TPCN1: variants seen among roughly 807,000 people sequenced by gnomAD.
The protein encoded by TPCN1 is two pore segment channel 1.
TPCN1 carries 52 observed loss-of-function variants against 108.8 expected under a neutral mutation model. That is an observed-to-expected ratio of 0.48 (90% confidence interval 0.38 to 0.60). The LOEUF is 0.60. Among genes scored for constraint, TPCN1 ranks in the 20% least tolerant of loss-of-function variants. The pLI is 0.00. For missense variants in TPCN1, 806 were observed against 1,072.8 expected, an observed-to-expected ratio of 0.75 and a Z score of 3.47; for synonymous variants, 446 against 433.7, an observed-to-expected ratio of 1.03 and a Z score of -0.35.
Position 113,288,942 on chromosome 12 carries a change from C to T in TPCN1, c.1796+95C>T, listed in dbSNP as rs1956181049. The T allele has an allele frequency of 4.7e-6, 6 of 1,264,844 alleles. No homozygotes were observed. Among genetic ancestry groups the T allele is most frequent in the South Asian group, 2.4e-5 (2 of 83,206 alleles). 78.4% of individuals were successfully genotyped at this position (1,264,844 alleles called of 1,614,324 possible). On this transcript the variant is annotated intron_variant, in intron 21 of 27. Coordinates refer to ENST00000335509, the MANE Select transcript of TPCN1 (RefSeq NM_017901.6). This position sits in a 1 kb window ranked among gnomAD's most constrained non-coding sequence, Gnocchi z 4.8. ...GGTGTCCTTGTGGCCTTGGGGTCCT[C>T]GGGGATGTTCCTGTCTAAGCAACCA... is the stretch of plus-strand genomic sequence containing the variant.
intron 19 of TPCN1, 61 bp downstream of exon 19, chr12:113,287,155 G>T (rs1465767607): frequency 7.1e-7 from 1 of 1,399,682 alleles, no homozygotes; most frequent in Middle Eastern, 1.8e-4. Flanking sequence ...AATGCCCCAG[G>T]ATTGATCCGG....
At chr12:113,259,300 C>T (rs530322971) in intron 2 of TPCN1, among the ~76,000 whole-genome samples, 2 of 152,160 alleles carry the variant, frequency 1.3e-5, no homozygotes, top group South Asian at 2.1e-4. Flanking sequence ...TCTTTATCTT[C>T]CTTCGGGTGG....
chr12:113,281,991 G>A (rs1955902177), intron 15 of TPCN1, among the ~76,000 whole-genome samples: 1 of 149,260 alleles, frequency 6.7e-6, no homozygotes, highest in African/African-American at 2.5e-5. Flanking sequence ...CATGATCTTG[G>A]CTCACTGCAA....
Position 113,272,477 on chromosome 12 carries a change from C to T in TPCN1, c.749-181C>T, listed in dbSNP as rs1341582110. 6.6e-6 allele frequency among the ~76,000 whole-genome samples: 1 copy of T among 152,216 alleles called. No individual in the cohort carries two copies. The highest frequency in any genetic ancestry group is 1.5e-5 in the Non-Finnish European group (1 of 68,038). ...GCTGTAGGGCAGCAAGCGTCTGGTG[C>T]CAGCAGCCCTGCTCCCTTCCAACAG... On this transcript the variant is annotated intron_variant, in intron 7 of 27. Coordinates refer to ENST00000335509, the MANE Select transcript of TPCN1 (RefSeq NM_017901.6). This position sits in a 1 kb window ranked among gnomAD's most constrained non-coding sequence, Gnocchi z 4.1.
In TPCN1 at chr12:113,282,753, C is replaced by G. The variant is rs1050012182; in HGVS notation, c.1343-1828C>G. 3.4e-5 allele frequency among the ~76,000 whole-genome samples: 5 copies of G among 148,206 alleles called. No individual in the cohort carries two copies. The Admixed American group carries it at 3.4e-4, about 10-fold the overall frequency. On this transcript the variant is annotated intron_variant, in intron 15 of 27. Coordinates refer to ENST00000335509, the MANE Select transcript of TPCN1 (RefSeq NM_017901.6). Reference sequence around the variant, plus strand: ...GCCTGGGCAACAGAGTGAGACCCCCCTATCTCAAGAAAAAAAAACCCAAAT... The same window carrying G: ...GCCTGGGCAACAGAGTGAGACCCCCGTATCTCAAGAAAAAAAAACCCAAAT...
Position 113,297,405 on chromosome 12 carries a change from C to T in TPCN1, c.*1329C>T, listed in dbSNP as rs1956463870. On this transcript the variant is annotated 3_prime_UTR_variant, in exon 28 of 28. Coordinates refer to ENST00000335509, the MANE Select transcript of TPCN1 (RefSeq NM_017901.6). The surrounding 1 kb of genome is among the most constrained non-coding windows in gnomAD (Gnocchi z 4.4). ...CTGGGCATTCCTGGCCAGCCCCGGC[C>T]CTCTGGTGCCTGCTTCCTGTGACTT... is the stretch of plus-strand genomic sequence containing the variant. The T allele has an allele frequency of 6.5e-6, 1 of 153,392 alleles. No individual in the cohort carries two copies. Among genetic ancestry groups the T allele is most frequent in the African/African-American group, 2.4e-5 (1 of 41,478 alleles). The allele number at this position is 153,392 out of a possible 1,614,324, so 9.5% of individuals were successfully genotyped here. A position where few individuals can be genotyped will look rare whatever the true frequency, so the allele number is the denominator to read the frequency against.
In TPCN1 at chr12:113,296,112, C is replaced by T. The variant is rs1191100972; in HGVS notation, c.*36C>T. On this transcript the variant is annotated 3_prime_UTR_variant, in exon 28 of 28. Transcript: ENST00000335509. ...GAAAGCCGTCTCTTCTATGCAATAA[C>T]ACAATAGTATTACTCTACTGCGATG... The T allele has an allele frequency of 1.2e-6, 2 of 1,607,546 alleles. No individual in the cohort carries two copies. Among genetic ancestry groups the T allele is most frequent in the Non-Finnish European group, 1.7e-6 (2 of 1,175,548 alleles).
intron 2 of TPCN1, among the ~76,000 whole-genome samples, chr12:113,229,871 A>G (rs1392070654): frequency 1.3e-5 from 2 of 152,006 alleles, no homozygotes; most frequent in East Asian, 1.9e-4. Flanking sequence ...CCATCCCTCT[A>G]TGGGGGTTGG....
chr12:113,229,510 A>G (rs556082643), intron 2 of TPCN1, among the ~76,000 whole-genome samples: 1 of 152,088 alleles, frequency 6.6e-6, no homozygotes, highest in Non-Finnish European at 1.5e-5. Context: ...CTTTTTTTTG[A>G]GACAGTCTCG....
At chr12:113,265,329 CT>C (rs1955214185) in intron 3 of TPCN1, among the ~76,000 whole-genome samples, 1 of 152,172 alleles carries the variant, frequency 6.6e-6, no homozygotes, top group Non-Finnish European at 1.5e-5. Context: ...ATGTTAGTTC[CT>C]TTATCGTTGA....
At chr12:113,295,706 C>G (rs1338036048) in intron 27 of TPCN1, among the ~76,000 whole-genome samples, 1 of 152,138 alleles carries the variant, frequency 6.6e-6, no homozygotes, top group Non-Finnish European at 1.5e-5. Context: ...TTGTTCCTGC[C>G]TGGGCCTGTT....
intron 2 of TPCN1, among the ~76,000 whole-genome samples, chr12:113,259,417 G>C (rs1321134711): frequency 1.3e-5 from 2 of 152,142 alleles, no homozygotes; most frequent in Non-Finnish European, 2.9e-5. Context: ...CTGAATTTCA[G>C]GATTATTGTG....
chr12:113,222,607 A>G (rs1258616426), intron 1 of TPCN1, among the ~76,000 whole-genome samples: 1 of 152,250 alleles, frequency 6.6e-6, no homozygotes, highest in Non-Finnish European at 1.5e-5. Flanking sequence ...CAGGCAGGCA[A>G]GCAGTCATAT....
At chr12:113,251,605 C>T (rs1954638950) in intron 2 of TPCN1, among the ~76,000 whole-genome samples, 1 of 152,232 alleles carries the variant, frequency 6.6e-6, no homozygotes, top group African/African-American at 2.4e-5. Context: ...CAGCCAGCTC[C>T]CTGCATCCTT....
rs1955536514 is a variant in TPCN1, at chr12:113,272,482, A to G, written c.749-176A>G. 6.6e-6 allele frequency among the ~76,000 whole-genome samples: 1 copy of G among 152,220 alleles called. No individual in the cohort carries two copies. The highest frequency in any genetic ancestry group is 1.5e-5 in the Non-Finnish European group (1 of 68,036). ...AGGGCAGCAAGCGTCTGGTGCCAGC[A>G]GCCCTGCTCCCTTCCAACAGAGCAT... On this transcript the variant is annotated intron_variant, in intron 7 of 27. Transcript: ENST00000335509. The surrounding 1 kb of genome is among the most constrained non-coding windows in gnomAD (Gnocchi z 4.1).
In TPCN1 at chr12:113,296,874, G is replaced by A. The variant is rs934333100; in HGVS notation, c.*798G>A. 5 of 152,272 alleles carry A rather than the reference G, an allele frequency of 3.3e-5. No homozygotes were observed. The highest frequency in any genetic ancestry group is 1.2e-4 in the African/African-American group (5 of 41,458). 9.4% of individuals were successfully genotyped at this position (152,272 alleles called of 1,614,324 possible). On this transcript the variant is annotated 3_prime_UTR_variant, in exon 28 of 28. Coordinates refer to ENST00000335509, the MANE Select transcript of TPCN1 (RefSeq NM_017901.6). ...TGTCTGCAACCCAGACCACTTCGTG[G>A]AATGGGCTCTTGACCAAATCCCTTT...
At chr12:113,243,917 C>T (rs1057401668) in intron 2 of TPCN1, among the ~76,000 whole-genome samples, 2 of 152,148 alleles carry the variant, frequency 1.3e-5, no homozygotes, top group Non-Finnish European at 2.9e-5. Flanking sequence ...TTTTGATGTG[C>T]TCATTTCCCA....
intron 2 of TPCN1, among the ~76,000 whole-genome samples, chr12:113,256,014 G>A (rs1390896383): frequency 6.6e-6 from 1 of 152,088 alleles, no homozygotes; most frequent in Non-Finnish European, 1.5e-5. Context: ...TTTGTTATGA[G>A]GTCATAGTAT....
In TPCN1 at chr12:113,284,875, A is replaced by G. The variant is rs1593196703; in HGVS notation, c.1453+104A>G. ...TGGTTCTTCTCTAAAACAGGAAGCT[A>G]TAAAGAGACGGAGTAATCAGTCTGA... On this transcript the variant is annotated intron_variant, in intron 17 of 27. Transcript: ENST00000335509. This position sits in a 1 kb window ranked among gnomAD's most constrained non-coding sequence, Gnocchi z 4.1. 3 of 1,294,302 alleles carry G rather than the reference A, an allele frequency of 2.3e-6. No homozygotes were observed. Among genetic ancestry groups the G allele is most frequent in the Non-Finnish European group, 3.3e-6 (3 of 895,612 alleles). 80.2% of individuals were successfully genotyped at this position (1,294,302 alleles called of 1,614,324 possible).
Sources: allele counts gnomAD v4.1 joint callset (sites outside exome capture counted in the v4.1 genomes callset), GRCh38; gene constraint gnomAD v4.1.1; non-coding constraint Gnocchi (gnomAD v3.1); transcripts MANE v1.5; gene names NCBI Gene and HGNC (gene_info 2026-07-23, HGNC 2026-07-21).